ONECUT2: variants seen among roughly 807,000 people sequenced by gnomAD.
The protein encoded by ONECUT2 is one cut domain family member 2.
In ONECUT2, 10 loss-of-function variants were observed where a neutral mutation model predicts 27.9. The observed-to-expected ratio is 0.36, with a 90% CI of 0.22 to 0.61. ONECUT2 has a LOEUF of 0.61. Among genes scored for constraint, ONECUT2 ranks in the 20% least tolerant of loss-of-function variants. ONECUT2 has a pLI of 0.73. For missense variants in ONECUT2, 686 were observed against 721.0 expected (o/e 0.95, Z 0.56); for synonymous variants, 334 against 315.1 (o/e 1.06, Z -0.64).
intron 1 of ONECUT2, among the ~76,000 whole-genome samples, chr18:57,449,737 G>C (rs879284088): frequency 2.0e-5 from 3 of 152,150 alleles, no homozygotes; most frequent in African/African-American, 7.2e-5. Flanking sequence ...TGCACGTTCT[G>C]TTCCTTCTGC....
intron 1 of ONECUT2, among the ~76,000 whole-genome samples, chr18:57,444,108 G>T (rs541048937): frequency 6.6e-6 from 1 of 152,164 alleles, no homozygotes; most frequent in African/African-American, 2.4e-5. Flanking sequence ...AAAAGAACCC[G>T]CAGTGTTAGT....
At chr18:57,437,870 ATCCCTGCC>A (rs549624717) in intron 1 of ONECUT2, among the ~76,000 whole-genome samples, 78 of 152,346 alleles carry the variant, frequency 5.1e-4, no homozygotes, top group African/African-American at 1.8e-3. Context: ...TAGTTAATGC[ATCCCTGCC>A]GCCGGCTGCA....
At chr18:57,467,532 A>AT (rs34989361) in intron 1 of ONECUT2, among the ~76,000 whole-genome samples, 95,396 of 151,340 alleles carry the variant, frequency 0.63, 32,533 homozygotes, top group Middle Eastern at 0.79. Context: ...CACTTGGCTA[A>AT]TTTTTTTTAT....
rs3843742 is a variant in ONECUT2 at position 57,488,903 on chromosome 18, T to G, written c.*12180T>G. The stretch of plus-strand genomic sequence containing the variant: ...GCCAAAAATCTCTAACCTCACTCTC[T>G]CTGGACTCCAACACTTCCCTGCAAT... On this transcript the variant is annotated 3_prime_UTR_variant, in exon 2 of 2. Transcript: ENST00000491143. 78,928 of 151,654 alleles carry G rather than the reference T, an allele frequency of 0.52. 23,678 individuals carry two copies. The highest frequency in any genetic ancestry group is 0.69 in the Non-Finnish European group (46,548 of 67,766). 9.4% of individuals were successfully genotyped at this position (151,654 alleles called of 1,614,324 possible). A position where few individuals can be genotyped will look rare whatever the true frequency, so the allele number is the denominator to read the frequency against.
At chr18:57,464,455 TG>T (rs1414522455) in intron 1 of ONECUT2, among the ~76,000 whole-genome samples, 36 of 152,146 alleles carry the variant, frequency 2.4e-4, no homozygotes, top group African/African-American at 7.7e-4. Flanking sequence ...TTTTGTTTTT[TG>T]TTTTTTTGTT....
At chr18:57,462,456 G>C (rs1260258499) in intron 1 of ONECUT2, among the ~76,000 whole-genome samples, 6 of 152,114 alleles carry the variant, frequency 3.9e-5, no homozygotes, top group African/African-American at 1.2e-4. Context: ...TACGATCATA[G>C]CTCACTGCAG....
chr18:57,447,170 T>C (rs1211754116), intron 1 of ONECUT2, among the ~76,000 whole-genome samples: 2 of 152,238 alleles, frequency 1.3e-5, no homozygotes, highest in Non-Finnish European at 2.9e-5. Flanking sequence ...TGGCTGTAGC[T>C]CTGTGGGTGG....
At chr18:57,472,073 G>A (rs542864061) in intron 1 of ONECUT2, among the ~76,000 whole-genome samples, 2 of 152,362 alleles carry the variant, frequency 1.3e-5, no homozygotes, top group South Asian at 4.1e-4. Context: ...GCTTTGAGCA[G>A]TTGGAGTTCA....
chr18:57,471,018 G>A (rs915601940), intron 1 of ONECUT2, among the ~76,000 whole-genome samples: 1 of 152,234 alleles, frequency 6.6e-6, no homozygotes, highest in Non-Finnish European at 1.5e-5. Flanking sequence ...TGACCACGCA[G>A]TCGGTGGCAA....
intron 1 of ONECUT2, among the ~76,000 whole-genome samples, chr18:57,453,988 A>G (rs1308702542): frequency 6.6e-6 from 1 of 152,130 alleles, no homozygotes; most frequent in Non-Finnish European, 1.5e-5. Flanking sequence ...GAGGGAATCT[A>G]TGGTGTTCGA....
rs2050174080 is a variant in ONECUT2, at chr18:57,441,534, G to T, written c.1228+4590G>T. ...CCCTCCCCCGACCTCTGCACCACCCGCCCCTGTGCGCACACACCGCTACTT... is the reference window on the plus strand; with the variant it reads ...CCCTCCCCCGACCTCTGCACCACCCTCCCCTGTGCGCACACACCGCTACTT... On this transcript the variant is annotated intron_variant, in intron 1 of 1. Coordinates refer to ENST00000491143, the MANE Select transcript of ONECUT2 (RefSeq NM_004852.3). Among the ~76,000 whole-genome samples, 4 of 152,118 alleles carry T rather than the reference G, an allele frequency of 2.6e-5. No individual in the cohort carries two copies. The South Asian group carries it at 8.3e-4, about 32-fold the overall frequency.
chr18:57,460,836 C>T (rs1213079630), intron 1 of ONECUT2, among the ~76,000 whole-genome samples: 2 of 151,932 alleles, frequency 1.3e-5, no homozygotes, highest in East Asian at 1.9e-4. Context: ...ACTACAGGCA[C>T]ACCCACCACA....
chr18:57,456,173 T>C (rs1178048708), intron 1 of ONECUT2, among the ~76,000 whole-genome samples: 2 of 152,248 alleles, frequency 1.3e-5, no homozygotes, highest in South Asian at 2.1e-4. Flanking sequence ...GGAAATAGTA[T>C]GGCAGTTCCT....
rs927426859 is a variant in ONECUT2 at position 57,477,961 on chromosome 18, A to C, written c.*1238A>C. ...TCTTCTGTTGTTGAATCATCCTTGC[A>C]AAACAGCTGAATACATCTGGAGAAA... On this transcript the variant is annotated 3_prime_UTR_variant, in exon 2 of 2. Transcript: ENST00000491143. 3.3e-5 allele frequency: 5 copies of C among 152,668 alleles called. No homozygotes were observed. The highest frequency in any genetic ancestry group is 7.3e-5 in the Non-Finnish European group (5 of 68,050). 9.5% of individuals were successfully genotyped at this position (152,668 alleles called of 1,614,324 possible). A position where few individuals can be genotyped will look rare whatever the true frequency, so the allele number is the denominator to read the frequency against.
chr18:57,438,456 A>AC (rs1421176431), intron 1 of ONECUT2, among the ~76,000 whole-genome samples: 1 of 151,856 alleles, frequency 6.6e-6, no homozygotes, highest in East Asian at 1.9e-4. Flanking sequence ...TCAGGTTTCC[A>AC]CCCCCGATCC....
In ONECUT2 at chr18:57,435,765, G is replaced by A. The variant is rs1427434717; in HGVS notation, c.49G>A (p.Gly17Ser). Residue 17 changes from glycine to serine, a missense_variant, in exon 1 of 2, where the codon GGC becomes AGC. Physicochemically the swap from Gly to Ser is moderately conservative, Grantham distance 56. Around this residue, in one of 4 missense-constraint regions of ONECUT2, gnomAD observed 511 missense variants for 488.1 expected, o/e 1.05. Transcript: ENST00000491143. ...TCGATGCCTCACCAAAGACCTAGAA[G>A]GCTGCGCCATGAACCCGGAGCTGAC... ...AYRCLTKDLE[G>S]CAMNPELTME... 31 of 1,268,750 alleles carry A rather than the reference G, an allele frequency of 2.4e-5. No homozygotes were observed. Among genetic ancestry groups the A allele is most frequent in the Non-Finnish European group, 3.0e-5 (29 of 972,760 alleles). The allele number at this position is 1,268,750 out of a possible 1,614,324, so 78.6% of individuals were successfully genotyped here. A position where few individuals can be genotyped will look rare whatever the true frequency, so the allele number is the denominator to read the frequency against.
intron 1 of ONECUT2, among the ~76,000 whole-genome samples, chr18:57,437,658 G>A (rs932696831): frequency 7.2e-5 from 11 of 152,212 alleles, no homozygotes; most frequent in African/African-American, 2.4e-4. Context: ...TACAGCGAGG[G>A]CAGGGTGTAA....
intron 1 of ONECUT2, among the ~76,000 whole-genome samples, chr18:57,441,876 G>C (rs947129607): frequency 9.2e-5 from 14 of 152,236 alleles, no homozygotes; most frequent in Non-Finnish European, 1.6e-4. Flanking sequence ...CAGGCTCTGC[G>C]CTGGACTGGT....
intron 1 of ONECUT2, among the ~76,000 whole-genome samples, chr18:57,441,487 G>A (rs1422420637): frequency 6.6e-6 from 1 of 152,142 alleles, no homozygotes; most frequent in Non-Finnish European, 1.5e-5. Context: ...CTCCTCTCGC[G>A]GGGCTCTCTG....
Sources: gnomAD v4.1 joint callset for allele counts (sites outside exome capture counted in the v4.1 genomes callset) on GRCh38, gnomAD v4.1.1 for gene constraint, gnomAD v4.1.1 regional missense constraint, MANE v1.5 for transcripts, NCBI Gene and HGNC (gene_info 2026-07-23, HGNC 2026-07-21) for gene names.